CA10: variants seen among roughly 807,000 people sequenced by gnomAD.
CA10 encodes carbonic anhydrase-related protein 10.
CA10 carries 14 observed loss-of-function variants against 44.2 expected under a neutral mutation model. That is an observed-to-expected ratio of 0.32 (90% confidence interval 0.21 to 0.50). The LOEUF (loss-of-function observed/expected upper bound fraction) is 0.50, where lower values mean the gene tolerates loss of function less well. Among genes scored for constraint, CA10 ranks in the 20% least tolerant of loss-of-function variants. CA10 has a pLI of 0.99. For synonymous variants in CA10, 159 were observed against 141.6 expected (o/e 1.12, Z -0.87); for missense variants, 350 against 409.7 (o/e 0.85, Z 1.26).
chr17:51,893,473 G>T (rs1330404208), intron 3 of CA10, among the ~76,000 whole-genome samples: 1 of 152,098 alleles, frequency 6.6e-6, no homozygotes, highest in East Asian at 1.9e-4. Context: ...CAGTGTTTAT[G>T]GGGATAAAAA....
intron 3 of CA10, among the ~76,000 whole-genome samples, chr17:51,870,711 G>T (rs1979763080): frequency 6.6e-6 from 1 of 152,208 alleles, no homozygotes; most frequent in African/African-American, 2.4e-5. Context: ...GGAAGCATTG[G>T]CACAGGGACT....
chr17:51,894,349 A>T (rs1216992064), intron 3 of CA10, among the ~76,000 whole-genome samples: 2 of 152,106 alleles, frequency 1.3e-5, no homozygotes, highest in African/African-American at 4.8e-5. Context: ...CTGGTGAATC[A>T]TCTGTGAGAG....
intron 3 of CA10, among the ~76,000 whole-genome samples, chr17:51,757,692 C>T (rs1905113575): frequency 1.3e-5 from 2 of 152,188 alleles, no homozygotes; most frequent in Admixed American, 1.3e-4. Flanking sequence ...TTCAAGTTGA[C>T]ATCTGGACCT....
chr17:51,788,473 G>T (rs1906380954), intron 3 of CA10, among the ~76,000 whole-genome samples: 1 of 152,144 alleles, frequency 6.6e-6, no homozygotes, highest in Non-Finnish European at 1.5e-5. Flanking sequence ...GTCTTTCTGT[G>T]CCTAGCTTAT....
At chr17:51,673,051 G>A (rs891957167) in intron 4 of CA10, among the ~76,000 whole-genome samples, 4 of 152,208 alleles carry the variant, frequency 2.6e-5, no homozygotes, top group African/African-American at 4.8e-5. Flanking sequence ...TTTCTGAGTT[G>A]AACAGTCTTG....
intron 2 of CA10, among the ~76,000 whole-genome samples, chr17:52,035,979 C>G (rs1055802235): frequency 6.6e-6 from 1 of 152,166 alleles, no homozygotes; most frequent in Non-Finnish European, 1.5e-5. Context: ...TCTAGGGGTT[C>G]TCAAATATTC....
chr17:51,921,578 T>C (rs203075), intron 3 of CA10, among the ~76,000 whole-genome samples: 103,504 of 151,990 alleles, frequency 0.68, 35,570 homozygotes, highest in Non-Finnish European at 0.71. Flanking sequence ...ATGTGTTTTC[T>C]ATTAGTTAAC....
At chr17:51,949,450 T>C (rs1336632554) in intron 2 of CA10, among the ~76,000 whole-genome samples, 3 of 152,300 alleles carry the variant, frequency 2.0e-5, no homozygotes, top group Admixed American at 6.5e-5. Flanking sequence ...AAGCCATAAG[T>C]ACCTGTCAGA....
intron 3 of CA10, among the ~76,000 whole-genome samples, chr17:51,881,101 A>G (rs113123731): frequency 0.08 from 12,085 of 151,882 alleles, 1,020 homozygotes; most frequent in African/African-American, 0.22. Flanking sequence ...TTAGCCAGGC[A>G]TGGTGGCTGG....
chr17:51,834,720 G>A (rs1311565468), intron 3 of CA10, among the ~76,000 whole-genome samples: 2 of 152,194 alleles, frequency 1.3e-5, no homozygotes, highest in African/African-American at 4.8e-5. Context: ...CTTACTGTGA[G>A]TCCTTGAGCA....
At chr17:52,025,676 T>A (rs1267480564) in intron 2 of CA10, among the ~76,000 whole-genome samples, 2 of 152,176 alleles carry the variant, frequency 1.3e-5, no homozygotes, top group Non-Finnish European at 2.9e-5. Flanking sequence ...GCCATTTCTA[T>A]TCATGAATGC....
chr17:52,131,028 T>C (rs1266196960), intron 1 of CA10, among the ~76,000 whole-genome samples: 3 of 152,046 alleles, frequency 2.0e-5, no homozygotes, highest in Non-Finnish European at 4.4e-5. Context: ...TTAGCTTGAT[T>C]TATCTATCCC....
intron 3 of CA10, among the ~76,000 whole-genome samples, chr17:51,814,553 G>C (rs550147093): frequency 6.6e-6 from 1 of 152,162 alleles, no homozygotes; most frequent in Non-Finnish European, 1.5e-5. Context: ...GTTTAAATAT[G>C]TTTGCTGAAA....
chr17:51,803,674 C>G (rs1174057312), intron 3 of CA10, among the ~76,000 whole-genome samples: 1 of 152,180 alleles, frequency 6.6e-6, no homozygotes, highest in East Asian at 1.9e-4. Flanking sequence ...TCCTCTACGA[C>G]TCAGTTTGCT....
At chr17:51,638,757 G>A (rs1485125189) in intron 6 of CA10, among the ~76,000 whole-genome samples, 1 of 152,208 alleles carries the variant, frequency 6.6e-6, no homozygotes, top group Non-Finnish European at 1.5e-5. Context: ...GTTCTGTCTG[G>A]GGCGAGGGTG....
At chr17:52,019,396 C>A (rs8076286) in intron 2 of CA10, among the ~76,000 whole-genome samples, 99,097 of 151,842 alleles carry the variant, frequency 0.65, 33,660 homozygotes, top group African/African-American at 0.82. Context: ...ATTGTCTCTT[C>A]CACCAAAAAT....
rs1987059672 is a variant in CA10 at position 52,051,172 on chromosome 17, A to C, written c.136+21147T>G. 1.3e-5 allele frequency among the ~76,000 whole-genome samples: 2 copies of C among 151,912 alleles called. 1 individual carries two copies. The highest frequency in any genetic ancestry group is 4.1e-4 in the South Asian group (2 of 4,824). ...AGGGATGAAGAGAGAGAAGAAAAGA[A>C]ACAAAGGAACAAAGGCACGTAAACC... On this transcript the variant is annotated intron_variant, in intron 2 of 8. Transcript: ENST00000451037.
intron 4 of CA10, among the ~76,000 whole-genome samples, chr17:51,723,411 T>C (rs1403833468): frequency 6.6e-6 from 1 of 152,154 alleles, no homozygotes; most frequent in Non-Finnish European, 1.5e-5. Context: ...AGAAACGTGG[T>C]TCAGAACCTA....
intron 3 of CA10, among the ~76,000 whole-genome samples, chr17:51,795,640 T>G (rs962340820): frequency 6.6e-6 from 1 of 152,218 alleles, no homozygotes; most frequent in Non-Finnish European, 1.5e-5. Context: ...GGTCTGTGTT[T>G]CTTGGCATCA....
Sources: gnomAD v4.1 joint callset for allele counts (sites outside exome capture counted in the v4.1 genomes callset) on GRCh38, gnomAD v4.1.1 for gene constraint, MANE v1.5 for transcripts, NCBI Gene and HGNC (gene_info 2026-07-23, HGNC 2026-07-21) for gene names.